Variants in COL21A1 observed in about 807,000 individuals in gnomAD.
COL21A1 encodes collagen alpha-1(XXI) chain.
In COL21A1, 149 loss-of-function variants were observed where a neutral mutation model predicts 137.9. The ratio of observed to expected loss-of-function variants is 1.08; its 90% confidence interval spans 0.95 to 1.24. COL21A1 has a LOEUF of 1.24. COL21A1 is among the 50% of genes most tolerant of loss of function. COL21A1 has a pLI of 0.00. For missense variants in COL21A1, 1,167 were observed against 1,158.4 expected (o/e 1.01, Z -0.11); for synonymous variants, 456 against 391.5 (o/e 1.16, Z -1.95).
intron 10 of COL21A1, among the ~76,000 whole-genome samples, chr6:56,146,186 A>AT (rs1165036168): frequency 6.6e-6 from 1 of 152,116 alleles, no homozygotes; most frequent in Non-Finnish European, 1.5e-5. Flanking sequence ...ATAATTTTGG[A>AT]TGTCACCCTC....
At chr6:56,086,752 T>G (rs1379776571) in intron 17 of COL21A1, among the ~76,000 whole-genome samples, 1 of 152,196 alleles carries the variant, frequency 6.6e-6, no homozygotes, top group African/African-American at 2.4e-5. Context: ...TTCATTTATC[T>G]AGAAAGGTTC....
chr6:56,090,848 G>C (rs1768741937), intron 17 of COL21A1, among the ~76,000 whole-genome samples: 1 of 151,678 alleles, frequency 6.6e-6, no homozygotes, highest in African/African-American at 2.4e-5. Flanking sequence ...TGTAATAGCA[G>C]ATATATGAGT....
intron 1 of COL21A1, among the ~76,000 whole-genome samples, chr6:56,210,115 G>C (rs1490222145): frequency 6.6e-6 from 1 of 152,056 alleles, no homozygotes; most frequent in Admixed American, 6.6e-5. Flanking sequence ...GGGTGGTGGG[G>C]GGCTGGGGGA....
rs9396191 is a variant in COL21A1, at chr6:56,290,792, G to A, written c.-39+103179C>T. Among the ~76,000 whole-genome samples, 3 of 152,166 alleles carry A rather than the reference G, an allele frequency of 2.0e-5. No homozygotes were observed. In the East Asian group the frequency reaches 5.8e-4, roughly 29 times the overall value. ...TGGGATTACAGGCGTGAGCCACCAC[G>A]CCCGGCCAGGAAGATTTTAACAACC... On this transcript the variant is annotated intron_variant, in intron 1 of 28. Transcript: ENST00000370819.
Position 56,057,701 on chromosome 6 carries a change from C to T in COL21A1, c.2830G>A (p.Val944Ile). 6 of 1,613,254 alleles carry T rather than the reference C, an allele frequency of 3.7e-6. No individual in the cohort carries two copies. Among genetic ancestry groups the T allele is most frequent in the Non-Finnish European group, 5.1e-6 (6 of 1,179,588 alleles). Reference sequence around the variant, plus strand: ...CTGAACGGATCTCTTCTGGCAATTACACTAAAACATAGTGATGGGTCGCAG... The same window carrying T: ...CTGAACGGATCTCTTCTGGCAATTATACTAAAACATAGTGATGGGTCGCAG... ...GICDPSLCFS[V>I]IARRDPFRKG... Residue 944 changes from valine to isoleucine, a missense_variant, in exon 30 of 30, where the codon GTA (valine) becomes ATA (isoleucine). Coordinates refer to ENST00000244728, the MANE Select transcript of COL21A1 (RefSeq NM_030820.4).
intron 3 of COL21A1, among the ~76,000 whole-genome samples, chr6:56,175,130 G>A (rs950510580): frequency 6.6e-5 from 10 of 152,026 alleles, no homozygotes; most frequent in Non-Finnish European, 1.3e-4. Context: ...GTAAGGAATA[G>A]AAGGAAACTA....
chr6:56,094,387 G>A (rs1485443883), intron 17 of COL21A1, among the ~76,000 whole-genome samples: 2 of 152,090 alleles, frequency 1.3e-5, no homozygotes, highest in African/African-American at 4.8e-5. Context: ...GTGTGTTGAT[G>A]ATGCTATACA....
At chr6:56,293,449 T>C (rs913675063) in intron 1 of COL21A1, among the ~76,000 whole-genome samples, 3 of 152,252 alleles carry the variant, frequency 2.0e-5, no homozygotes, top group East Asian at 1.9e-4. Context: ...GATAAAGATA[T>C]TATGACAGTC....
intron 1 of COL21A1, among the ~76,000 whole-genome samples, chr6:56,195,586 C>T (rs1313207906): frequency 1.3e-5 from 2 of 151,854 alleles, no homozygotes; most frequent in African/African-American, 2.4e-5. Flanking sequence ...TTCAGAGACA[C>T]AAAAAATTAT....
chr6:56,267,565 C>A (rs916705150), intron 1 of COL21A1, among the ~76,000 whole-genome samples: 4 of 152,054 alleles, frequency 2.6e-5, no homozygotes, highest in African/African-American at 9.6e-5. Context: ...CGAGACCAGC[C>A]TGGCCAACAT....
chr6:56,133,664 G>A (rs769505973), intron 12 of COL21A1, among the ~76,000 whole-genome samples: 3 of 152,260 alleles, frequency 2.0e-5, no homozygotes, highest in African/African-American at 7.2e-5. Flanking sequence ...GGAGGCCTAT[G>A]AGGAAAAAAT....
chr6:56,090,124 A>G (rs1187630078), intron 17 of COL21A1, among the ~76,000 whole-genome samples: 1 of 152,186 alleles, frequency 6.6e-6, no homozygotes, highest in Non-Finnish European at 1.5e-5. Flanking sequence ...CTGTAGTCTC[A>G]GCTACTCAGG....
intron 1 of COL21A1, among the ~76,000 whole-genome samples, chr6:56,370,467 G>A (rs764251775): frequency 6.6e-5 from 10 of 152,214 alleles, no homozygotes; most frequent in East Asian, 1.9e-4. Flanking sequence ...AAATAACTGC[G>A]GTCCCTCTGT....
chr6:56,235,486 G>T (rs1781842316), intron 1 of COL21A1, among the ~76,000 whole-genome samples: 1 of 151,920 alleles, frequency 6.6e-6, no homozygotes, highest in African/African-American at 2.4e-5. Context: ...ACTCTGCAGT[G>T]CTTGCTAAGT....
chr6:56,373,084 G>T (rs566883823), intron 1 of COL21A1, among the ~76,000 whole-genome samples: 1 of 152,260 alleles, frequency 6.6e-6, no homozygotes, highest in African/African-American at 2.4e-5. Flanking sequence ...AGCAGCAGCT[G>T]CTGCACTAAT....
chr6:56,185,762 T>A, intron 1 of COL21A1, among the ~76,000 whole-genome samples: 1 of 152,312 alleles, frequency 6.6e-6, no homozygotes, highest in Middle Eastern at 3.4e-3. Flanking sequence ...AAACACTATT[T>A]ATTGAAATTG....
chr6:56,334,541 T>C (rs968954406), intron 1 of COL21A1, among the ~76,000 whole-genome samples: 2 of 152,128 alleles, frequency 1.3e-5, no homozygotes, highest in African/African-American at 4.8e-5. Flanking sequence ...TACAATGAGA[T>C]TAGTTTGTTT....
chr6:56,188,988 G>A (rs1401340910), intron 1 of COL21A1, among the ~76,000 whole-genome samples: 1 of 152,170 alleles, frequency 6.6e-6, no homozygotes, highest in East Asian at 1.9e-4. Context: ...ACCAAAGGCA[G>A]ATAAATCAAC....
intron 1 of COL21A1, among the ~76,000 whole-genome samples, chr6:56,218,539 T>C (rs1352952823): frequency 6.6e-6 from 1 of 152,144 alleles, no homozygotes; most frequent in Non-Finnish European, 1.5e-5. Flanking sequence ...TGCCATTTGA[T>C]ATTGGAATAC....
Sources: allele counts gnomAD v4.1 joint callset (sites outside exome capture counted in the v4.1 genomes callset), GRCh38; gene constraint gnomAD v4.1.1; transcripts MANE v1.5; gene names NCBI Gene and HGNC (gene_info 2026-07-23, HGNC 2026-07-21).